The following PARS2 variants were observed in gnomAD, a reference collection of about 807,000 sequenced individuals.
PARS2 encodes prolyl-tRNA synthetase 2, mitochondrial.
In PARS2, 20 loss-of-function variants were observed where a neutral mutation model predicts 27.4. The observed-to-expected ratio is 0.73, with a 90% CI of 0.51 to 1.06. PARS2 has a LOEUF of 1.06. Ranked by LOEUF, PARS2 falls within the 50% of genes least tolerant of loss-of-function variation. PARS2 has a pLI of 0.00. For synonymous variants in PARS2, 240 were observed against 247.1 expected (o/e 0.97, Z 0.27); for missense variants, 585 against 602.1 (o/e 0.97, Z 0.30).
In PARS2 at chr1:54,757,719, G is replaced by C. The variant is rs1423369177; in HGVS notation, c.*15C>G. The C allele has an allele frequency of 6.4e-7, 1 of 1,558,140 alleles. No homozygotes were observed. Among genetic ancestry groups the C allele is most frequent in the South Asian group, 1.2e-5 (1 of 85,796 alleles). ...ACCAAGGCTGCAAATGGGGGCAGGG[G>C]TGGGCTGGGGGCATTTAGACAGTCT... On this transcript the variant is annotated 3_prime_UTR_variant, in exon 2 of 2. Transcript: ENST00000371279.
Position 54,758,721 on chromosome 1 carries a change from C to A in PARS2, c.441G>T (p.Arg147Ser). The change falls in exon 2 of 2, where the codon AGG becomes AGT. Residue 147 changes from arginine (R) to serine (S), a missense_variant. Coordinates refer to ENST00000371279, the MANE Select transcript of PARS2 (RefSeq NM_152268.4). Reference protein sequence around the residue: ...MGKELLRLRDRHGKEYCLGPT... With the variant: ...MGKELLRLRDSHGKEYCLGPT... ...GTCCTAAGCAGTATTCCTTGCCATG[C>A]CTGTCTCTAAGTCTTAGCAGCTCTT... 6.2e-7 allele frequency: 1 copy of A among 1,614,200 alleles called. No individual in the cohort carries two copies. Among genetic ancestry groups the A allele is most frequent in the Non-Finnish European group, 8.5e-7 (1 of 1,180,030 alleles).
Sources: gnomAD v4.1 joint callset for allele counts on GRCh38, gnomAD v4.1.1 for gene constraint, MANE v1.5 for transcripts, NCBI Gene and HGNC (gene_info 2026-07-23, HGNC 2026-07-21) for gene names.